PCDHGA7: variants seen among roughly 807,000 people sequenced by gnomAD.
PCDHGA7 encodes the protein protocadherin gamma-A7.
A neutral mutation model predicts 58.3 loss-of-function variants in PCDHGA7; 44 were observed. The observed-to-expected ratio is 0.75, with a 90% CI of 0.59 to 0.97. PCDHGA7 has a LOEUF of 0.97. Ranked by LOEUF, PCDHGA7 falls within the 50% of genes least tolerant of loss-of-function variation. PCDHGA7 has a pLI of 0.00. For synonymous variants in PCDHGA7, 516 were observed against 504.2 expected (o/e 1.02, Z -0.31); for missense variants, 1,266 against 1,188.7 (o/e 1.06, Z -0.96).
chr5:141,405,446 G>A, intron 1 of PCDHGA7: 1 of 1,338,140 alleles, frequency 7.5e-7, no homozygotes, highest in Non-Finnish European at 1.0e-6. Flanking sequence ...TTGAGACAGA[G>A]TCTTACTCTG....
intron 2 of PCDHGA7, among the ~76,000 whole-genome samples, chr5:141,502,866 C>CTTTTTCTT (rs2099816520): frequency 1.6e-5 from 2 of 128,030 alleles, no homozygotes; most frequent in African/African-American, 6.2e-5. Flanking sequence ...GACTCTCTGT[C>CTTTTTCTT]TTTTTTTTTT....
chr5:141,408,801 T>C, intron 1 of PCDHGA7: 1 of 1,613,142 alleles, frequency 6.2e-7, no homozygotes, highest in Admixed American at 1.7e-5. Context: ...GAGAAACTCC[T>C]AGACCGGGAA....
intron 1 of PCDHGA7, chr5:141,400,510 T>C: frequency 6.2e-7 from 1 of 1,613,972 alleles, no homozygotes; most frequent in Non-Finnish European, 8.5e-7. Context: ...CGAGTCGACT[T>C]CCCATCCTGA....
Position 141,487,246 on chromosome 5 carries a change from C to T in PCDHGA7, c.2425-7561C>T. 1 of 1,614,166 alleles carries T rather than the reference C, an allele frequency of 6.2e-7. No individual in the cohort carries two copies. The highest frequency in any genetic ancestry group is 8.5e-7 in the Non-Finnish European group (1 of 1,180,014). ...GGGAAGGAGAATCTCGTCTAACCCTCTACTTGGCTGTGTCCCTAGTGGCAA... is the reference window on the plus strand; with the variant it reads ...GGGAAGGAGAATCTCGTCTAACCCTTTACTTGGCTGTGTCCCTAGTGGCAA... On this transcript the variant is annotated intron_variant, in intron 1 of 3. Coordinates refer to ENST00000518325, the MANE Select transcript of PCDHGA7 (RefSeq NM_018920.4). This position sits in a 1 kb window ranked among gnomAD's most constrained non-coding sequence, Gnocchi z 5.0.
At chr5:141,464,223 CCACTGCA>C (rs916210777) in intron 1 of PCDHGA7, among the ~76,000 whole-genome samples, 4 of 150,824 alleles carry the variant, frequency 2.7e-5, no homozygotes, top group Non-Finnish European at 4.4e-5. Flanking sequence ...TGAGATTGCG[CCACTGCA>C]CTCCAGCCTG....
At position 141,491,794 on chromosome 5, in the gene PCDHGA7, TC is replaced by T; in HGVS notation, c.2425-3011del. On this transcript the variant is annotated intron_variant, in intron 1 of 3. Transcript: ENST00000518325. This position sits in a 1 kb window ranked among gnomAD's most constrained non-coding sequence, Gnocchi z 6.9. ...GGGATTGAACTTGCATCCACTCCTC[TC>T]CGGCCGGCTTGGTCGCTGGCTGCGC... is the stretch of plus-strand genomic sequence containing the variant. The T allele has an allele frequency of 6.6e-7, 1 of 1,511,056 alleles. No individual in the cohort carries two copies. The highest frequency in any genetic ancestry group is 8.8e-7 in the Non-Finnish European group (1 of 1,130,146). The allele number at this position is 1,511,056 out of a possible 1,614,324, so 93.6% of individuals were successfully genotyped here.
chr5:141,413,833 G>A (rs917295013), intron 1 of PCDHGA7: 1 of 1,613,276 alleles, frequency 6.2e-7, no homozygotes, highest in Non-Finnish European at 8.5e-7. Context: ...CACCGCCTCC[G>A]ACGGGGGTGA....
At chr5:141,435,728 A>T (rs549219746) in intron 1 of PCDHGA7, among the ~76,000 whole-genome samples, 1 of 152,200 alleles carries the variant, frequency 6.6e-6, no homozygotes, top group Non-Finnish European at 1.5e-5. Flanking sequence ...GCTAAAGTGT[A>T]TTACTCTTTG....
At chr5:141,393,524 C>T (rs1197723193) in intron 1 of PCDHGA7, 4 of 1,614,010 alleles carry the variant, frequency 2.5e-6, no homozygotes, top group South Asian at 2.2e-5. Context: ...ATACAAATGA[C>T]AATGCCCCGG....
chr5:141,477,878 C>A lies in PCDHGA7; in HGVS notation c.2425-16929C>A. ...GCTGCCTCGAGGTACCTCAGCTGGC[C>A]ACCTAGTGTCACGGGTGGTAGGCTG... is the stretch of plus-strand genomic sequence containing the variant. On this transcript the variant is annotated intron_variant, in intron 1 of 3. Transcript: ENST00000518325. The surrounding 1 kb of genome is among the most constrained non-coding windows in gnomAD (Gnocchi z 4.9). 1.2e-6 allele frequency: 2 copies of A among 1,614,158 alleles called. No individual in the cohort carries two copies. Among genetic ancestry groups the A allele is most frequent in the Non-Finnish European group, 1.7e-6 (2 of 1,180,008 alleles).
intron 2 of PCDHGA7, among the ~76,000 whole-genome samples, chr5:141,504,750 A>C (rs921495017): frequency 6.6e-6 from 1 of 151,894 alleles, no homozygotes; most frequent in Admixed American, 6.5e-5. Context: ...ATTGAATTTT[A>C]GAAATTTCTT....
In PCDHGA7 at chr5:141,392,927, G is replaced by C. The variant is rs758960557; in HGVS notation, c.2424+7604G>C. The C allele has an allele frequency of 5.6e-6, 9 of 1,613,832 alleles. No homozygotes were observed. In the East Asian group the frequency reaches 2.0e-4, roughly 36 times the overall value. On this transcript the variant is annotated intron_variant, in intron 1 of 3. Coordinates refer to ENST00000518325, the MANE Select transcript of PCDHGA7 (RefSeq NM_018920.4). Reference sequence around the variant, plus strand: ...AGATTCGCTACTCTGTGCCAGAAGAGACGGACAAAGGCTCCTTCGTGGGTA... The same window carrying C: ...AGATTCGCTACTCTGTGCCAGAAGACACGGACAAAGGCTCCTTCGTGGGTA...
chr5:141,476,453 G>C lies in PCDHGA7; in HGVS notation c.2425-18354G>C. On this transcript the variant is annotated intron_variant, in intron 1 of 3. Coordinates refer to ENST00000518325, the MANE Select transcript of PCDHGA7 (RefSeq NM_018920.4). This position sits in a 1 kb window ranked among gnomAD's most constrained non-coding sequence, Gnocchi z 7.6. The stretch of plus-strand genomic sequence containing the variant: ...CACTGTAACTCTGGAGTTGGTAGTG[G>C]AGAACCCGCTGGAGCTGTTCAGCGT... 2 of 1,614,138 alleles carry C rather than the reference G, an allele frequency of 1.2e-6. No homozygotes were observed. Among genetic ancestry groups the C allele is most frequent in the Non-Finnish European group, 1.7e-6 (2 of 1,180,022 alleles).
At chr5:141,403,226 C>A in intron 1 of PCDHGA7, 3 of 1,613,926 alleles carry the variant, frequency 1.9e-6, no homozygotes, top group South Asian at 1.1e-5. Context: ...TAGGATAGAC[C>A]GGGAGGAGCT....
At chr5:141,463,728 G>C (rs957615020) in intron 1 of PCDHGA7, among the ~76,000 whole-genome samples, 3 of 152,066 alleles carry the variant, frequency 2.0e-5, no homozygotes, top group African/African-American at 7.2e-5. Context: ...TTACAGGCAT[G>C]AGCCACCGCG....
intron 1 of PCDHGA7, chr5:141,427,723 G>T: frequency 8.9e-7 from 1 of 1,127,490 alleles, no homozygotes; most frequent in East Asian, 2.4e-5. Flanking sequence ...CTGGACCTAG[G>T]GCTGAATGGC....
chr5:141,433,259 T>C (rs776486704), intron 1 of PCDHGA7: 3 of 1,380,658 alleles, frequency 2.2e-6, no homozygotes, highest in Non-Finnish European at 3.0e-6. Flanking sequence ...AGCGGTACGA[T>C]CATAGCTCAC....
chr5:141,422,629 A>C lies in PCDHGA7; in HGVS notation c.2424+37306A>C, dbSNP rs780472571. 1.9e-6 allele frequency: 3 copies of C among 1,613,270 alleles called. No homozygotes were observed. The Admixed American group carries it at 5.0e-5, about 27-fold the overall frequency. Reference sequence around the variant, plus strand: ...TGCCTACATTCCCGAAAACAACCCCAGGGGTGCCTCCATCTTCTCAGTGAC... The same window carrying C: ...TGCCTACATTCCCGAAAACAACCCCCGGGGTGCCTCCATCTTCTCAGTGAC... On this transcript the variant is annotated intron_variant, in intron 1 of 3. Transcript: ENST00000518325.
Position 141,487,399 on chromosome 5 carries a change from G to T in PCDHGA7, c.2425-7408G>T, listed in dbSNP as rs749826036. 6.2e-7 allele frequency: 1 copy of T among 1,614,140 alleles called. No individual in the cohort carries two copies. The highest frequency in any genetic ancestry group is 8.5e-7 in the Non-Finnish European group (1 of 1,180,014). ...TCACCAGATCTCGAAGGAGGGAGGG[G>T]CTTCCCCCTTCCAATGGGATCCTCC... On this transcript the variant is annotated intron_variant, in intron 1 of 3. Transcript: ENST00000518325. The surrounding 1 kb of genome is among the most constrained non-coding windows in gnomAD (Gnocchi z 5.0).
Sources: gnomAD v4.1 joint callset for allele counts (sites outside exome capture counted in the v4.1 genomes callset) on GRCh38, gnomAD v4.1.1 for gene constraint, Gnocchi (gnomAD v3.1) non-coding constraint, MANE v1.5 for transcripts, NCBI Gene and HGNC (gene_info 2026-07-23, HGNC 2026-07-21) for gene names.